RPS6KC1: variants seen among roughly 807,000 people sequenced by gnomAD.
RPS6KC1 encodes inactive ribosomal protein S6 kinase delta-1.
In RPS6KC1, 54 loss-of-function variants were observed where a neutral mutation model predicts 103.8. The observed-to-expected ratio is 0.52, with a 90% CI of 0.42 to 0.65. The LOEUF is 0.65. Ranked by LOEUF, RPS6KC1 falls within the 30% of genes least tolerant of loss-of-function variation. RPS6KC1 has a pLI of 0.00. For missense variants in RPS6KC1, 1,151 were observed against 1,253.8 expected (o/e 0.92, Z 1.24); for synonymous variants, 439 against 438.7 (o/e 1.00, Z -0.01).
chr1:213,692,540 A>G, the RPS6KC1 span, among the ~76,000 whole-genome samples: 2 of 152,104 alleles, frequency 1.3e-5, no homozygotes, highest in African/African-American at 4.8e-5. Context: ...GGGTTGCCTT[A>G]CTTCTCCCCT....
At chr1:213,705,618 C>A in the RPS6KC1 span, among the ~76,000 whole-genome samples, 1 of 152,210 alleles carries the variant, frequency 6.6e-6, no homozygotes, top group Admixed American at 6.5e-5. Context: ...GTACATAGAA[C>A]GTAAAACAAA....
At chr1:213,743,055 T>C in the RPS6KC1 span, among the ~76,000 whole-genome samples, 2 of 152,000 alleles carry the variant, frequency 1.3e-5, no homozygotes, top group Non-Finnish European at 2.9e-5. Flanking sequence ...CAAAAGAAAA[T>C]AGATCATTAT....
chr1:213,460,489 A>G, the RPS6KC1 span, among the ~76,000 whole-genome samples: 1 of 149,820 alleles, frequency 6.7e-6, no homozygotes, highest in Non-Finnish European at 1.5e-5. Context: ...GTCTTTGCAC[A>G]TGAGATGTGT....
the RPS6KC1 span, among the ~76,000 whole-genome samples, chr1:213,305,439 G>A: frequency 6.6e-6 from 1 of 152,194 alleles, no homozygotes; most frequent in African/African-American, 2.4e-5. Context: ...GACTCTTGCT[G>A]TATATTTGCC....
At chr1:213,784,745 T>A in the RPS6KC1 span, among the ~76,000 whole-genome samples, 2,684 of 152,310 alleles carry the variant, frequency 0.018, 84 homozygotes, top group African/African-American at 0.062. Context: ...GGGCTGAGCA[T>A]CTGCTTTCAA....
the RPS6KC1 span, among the ~76,000 whole-genome samples, chr1:213,382,529 C>G: frequency 7.5e-6 from 1 of 134,168 alleles, no homozygotes; most frequent in African/African-American, 2.6e-5. Flanking sequence ...CCCTTTCACT[C>G]CATCTTTTTT....
At chr1:213,826,720 T>C in the RPS6KC1 span, among the ~76,000 whole-genome samples, 1 of 152,144 alleles carries the variant, frequency 6.6e-6, no homozygotes, top group African/African-American at 2.4e-5. Context: ...TGAGCATAGA[T>C]CTAAGGACTG....
intron 3 of RPS6KC1, among the ~76,000 whole-genome samples, chr1:213,094,095 C>A (rs201790799): frequency 1.4e-5 from 2 of 146,788 alleles, no homozygotes; most frequent in East Asian, 2.0e-4. Context: ...TCCCCCCCCC[C>A]ACCAAGAGAA....
At chr1:213,167,676 A>G (rs952066833) in intron 6 of RPS6KC1, among the ~76,000 whole-genome samples, 182 bp from the exon 7 acceptor site, 2 of 152,198 alleles carry the variant, frequency 1.3e-5, no homozygotes, top group Non-Finnish European at 2.9e-5. Flanking sequence ...GATAAATGAA[A>G]TCAATGGGGG....
At chr1:213,083,255 G>A (rs939537954) in intron 3 of RPS6KC1, among the ~76,000 whole-genome samples, 1 of 152,192 alleles carries the variant, frequency 6.6e-6, no homozygotes, top group Non-Finnish European at 1.5e-5. Context: ...CGAAAAGGAG[G>A]TATGACTCAG....
the RPS6KC1 span, among the ~76,000 whole-genome samples, chr1:213,311,491 C>T: frequency 1.3e-5 from 2 of 152,096 alleles, no homozygotes; most frequent in Admixed American, 1.3e-4. Flanking sequence ...CTTTTAGCTC[C>T]TCTGGTCATA....
At chr1:213,592,223 A>G in the RPS6KC1 span, among the ~76,000 whole-genome samples, 5 of 152,228 alleles carry the variant, frequency 3.3e-5, no homozygotes, top group Non-Finnish European at 4.4e-5. Context: ...AGGAATGTGA[A>G]AAAGAAAAAA....
the RPS6KC1 span, among the ~76,000 whole-genome samples, chr1:213,743,227 T>C: frequency 3.3e-5 from 5 of 152,308 alleles, no homozygotes; most frequent in African/African-American, 1.2e-4. Flanking sequence ...TGAAACCATG[T>C]CATTTTCGGC....
downstream of RPS6KC1, among the ~76,000 whole-genome samples, chr1:213,278,172 T>C (rs2095115749): frequency 6.6e-6 from 1 of 151,450 alleles, no homozygotes; most frequent in African/African-American, 2.4e-5. Flanking sequence ...ACCACTGTAC[T>C]CCATCCTGGG....
chr1:213,545,558 A>G, the RPS6KC1 span, among the ~76,000 whole-genome samples: 3 of 151,826 alleles, frequency 2.0e-5, no homozygotes, highest in African/African-American at 7.3e-5. Context: ...AAATTTCTCC[A>G]TTTTGTAAAG....
the RPS6KC1 span, among the ~76,000 whole-genome samples, chr1:213,561,205 T>C: frequency 9.9e-5 from 15 of 152,248 alleles, no homozygotes; most frequent in Non-Finnish European, 2.1e-4. Context: ...TGCCCCCTTA[T>C]AGAGTCTTTG....
At chr1:213,149,525 A>G (rs1184289145) in intron 6 of RPS6KC1, among the ~76,000 whole-genome samples, 1 of 152,140 alleles carries the variant, frequency 6.6e-6, no homozygotes, top group Non-Finnish European at 1.5e-5. Context: ...AACAATTTCA[A>G]TTTTTGTTGA....
chr1:213,846,802 C>T, the RPS6KC1 span, among the ~76,000 whole-genome samples: 1 of 152,128 alleles, frequency 6.6e-6, no homozygotes, highest in Non-Finnish European at 1.5e-5. Flanking sequence ...TGATGAGCAT[C>T]TGCAACCTAA....
the RPS6KC1 span, among the ~76,000 whole-genome samples, chr1:213,826,233 T>G: frequency 4.6e-5 from 7 of 152,228 alleles, no homozygotes; most frequent in African/African-American, 1.7e-4. Flanking sequence ...AGTTTAAGAC[T>G]GACTACTGTT....
Sources: gnomAD v4.1 joint callset for allele counts (sites outside exome capture counted in the v4.1 genomes callset) on GRCh38, gnomAD v4.1.1 for gene constraint, MANE v1.5 for transcripts, NCBI Gene and HGNC (gene_info 2026-07-23, HGNC 2026-07-21) for gene names.